CFAP54: variants seen among roughly 807,000 people sequenced by gnomAD.
The protein encoded by CFAP54 is cilia- and flagella-associated protein 54.
A neutral mutation model predicts 370.4 loss-of-function variants in CFAP54; 290 were observed. That is an observed-to-expected ratio of 0.78 (90% CI 0.71 to 0.86). CFAP54 has a LOEUF of 0.86. Ranked by LOEUF, CFAP54 falls within the 40% of genes least tolerant of loss-of-function variation. The pLI is 0.00. For missense variants in CFAP54, 3,399 were observed against 3,528.7 expected (o/e 0.96, Z 0.93); for synonymous variants, 1,206 against 1,236.5 (o/e 0.98, Z 0.52).
At chr12:96,807,073 T>C (rs1238858874) in intron 63 of CFAP54, among the ~76,000 whole-genome samples, 1 of 152,218 alleles carries the variant, frequency 6.6e-6, no homozygotes, top group Non-Finnish European at 1.5e-5. Context: ...TCTCCACTGC[T>C]GCATCATATA....
intron 65 of CFAP54, among the ~76,000 whole-genome samples, chr12:96,822,770 T>G (rs1959047581): frequency 6.6e-6 from 1 of 152,204 alleles, no homozygotes; most frequent in Non-Finnish European, 1.5e-5. Flanking sequence ...AAAAGTTTCT[T>G]GTAAATCCTC....
intron 40 of CFAP54, chr12:96,682,220 T>A (rs1957281134): frequency 1.7e-5 from 17 of 985,612 alleles, no homozygotes; most frequent in African/African-American, 1.7e-5. Context: ...GAGATGCATA[T>A]GTCAATACCC....
chr12:96,577,672 G>A (rs1332321241), intron 20 of CFAP54, among the ~76,000 whole-genome samples: 1 of 151,538 alleles, frequency 6.6e-6, no homozygotes, highest in African/African-American at 2.4e-5. Flanking sequence ...TGTGTTTATT[G>A]TGAAAATTAA....
rs112925765 is a variant in CFAP54, at chr12:96,740,020, G to C, written c.7030G>C (p.Val2344Leu). 1.1e-5 allele frequency: 18 copies of C among 1,607,646 alleles called. No individual in the cohort carries two copies. The highest frequency in any genetic ancestry group is 5.3e-5 in the African/African-American group (4 of 74,828). Residue 2344 changes from valine (V) to leucine (L), a missense_variant, in exon 51 of 68, where the codon GTA (valine) becomes CTA (leucine). Physicochemically the swap from Val to Leu is conservative, Grantham distance 32. Around this residue, in one of 3 missense-constraint regions of CFAP54, gnomAD observed 2,796 missense variants for 2,869.7 expected, o/e 0.97. Coordinates refer to ENST00000524981, the MANE Select transcript of CFAP54 (RefSeq NM_001306084.2). Reference sequence around the variant, plus strand: ...TTCAAAACTTTTTGAAAAGAAGGTAGTACAGGATGACACAGAGAATCCTGT... The same window carrying C: ...TTCAAAACTTTTTGAAAAGAAGGTACTACAGGATGACACAGAGAATCCTGT... ...QDSKLFEKKV[V>L]QDDTENPVSP...
chr12:96,723,563 C>T (rs1395075341), intron 50 of CFAP54, among the ~76,000 whole-genome samples: 1 of 151,996 alleles, frequency 6.6e-6, no homozygotes, highest in Non-Finnish European at 1.5e-5. Flanking sequence ...GTGACCTTCA[C>T]AGGAGTAACT....
At chr12:96,640,585 C>T (rs1475786477) in intron 32 of CFAP54, among the ~76,000 whole-genome samples, 1 of 152,104 alleles carries the variant, frequency 6.6e-6, no homozygotes, top group African/African-American at 2.4e-5. Flanking sequence ...CTTTAAAGTT[C>T]ATATAGAACC....
chr12:96,695,054 A>C (rs1957428544), intron 45 of CFAP54, among the ~76,000 whole-genome samples: 1 of 151,946 alleles, frequency 6.6e-6, no homozygotes, highest in Non-Finnish European at 1.5e-5. Flanking sequence ...ACAAAAAAAC[A>C]CCTCAAAAGT....
At chr12:96,722,435 C>G (rs1335446777) in intron 50 of CFAP54, among the ~76,000 whole-genome samples, 2 of 152,176 alleles carry the variant, frequency 1.3e-5, no homozygotes, top group African/African-American at 2.4e-5. Context: ...ATGCCTGATA[C>G]ATGTTTGAGG....
intron 26 of CFAP54, among the ~76,000 whole-genome samples, chr12:96,616,260 A>G (rs815875): frequency 0.79 from 120,580 of 151,930 alleles, 48,025 homozygotes; most frequent in East Asian, 0.86. Context: ...ACTATCCCAA[A>G]GACAAAAAAC....
chr12:96,765,262 G>A, intron 60 of CFAP54, 44 bp downstream of exon 60: 2 of 1,396,914 alleles, frequency 1.4e-6, no homozygotes, highest in Non-Finnish European at 1.9e-6. Flanking sequence ...ACTGATATAT[G>A]TAATATAGAA....
chr12:96,700,028 AT>A lies in CFAP54; in HGVS notation c.6413del (p.Phe2138SerfsTer20), dbSNP rs1191896549. ...FSEAFYEISQ[I>X]FYGKNMPCPI... is the part of the protein sequence containing the mutation. ...TGAAGCCTTTTATGAGATATCCCAA[AT>A]TTTCTATGGAAAAAACATGCCTTGT... On this transcript the variant is annotated frameshift_variant, in exon 46 of 68. Coordinates refer to ENST00000524981, the MANE Select transcript of CFAP54 (RefSeq NM_001306084.2). LOFTEE classifies it high-confidence loss of function. The A allele has an allele frequency of 2.5e-6, 4 of 1,608,296 alleles. No individual in the cohort carries two copies. The African/African-American group carries it at 4.0e-5, about 16-fold the overall frequency.
At chr12:96,515,604 T>C (rs1955221506) in intron 5 of CFAP54, among the ~76,000 whole-genome samples, 1 of 152,206 alleles carries the variant, frequency 6.6e-6, no homozygotes, top group Non-Finnish European at 1.5e-5. Context: ...CTTTGAATAC[T>C]GTAGTGACTT....
At chr12:96,657,021 A>G (rs1224083308) in intron 36 of CFAP54, among the ~76,000 whole-genome samples, 1 of 152,232 alleles carries the variant, frequency 6.6e-6, no homozygotes, top group Non-Finnish European at 1.5e-5. Flanking sequence ...AGTCTCTTCT[A>G]ACTTCAAGGA....
At chr12:96,531,532 G>A (rs1230061427) in intron 9 of CFAP54, among the ~76,000 whole-genome samples, 1 of 151,678 alleles carries the variant, frequency 6.6e-6, no homozygotes, top group East Asian at 1.9e-4. Flanking sequence ...TTAGACAGAT[G>A]TTAACAGGAT....
intron 19 of CFAP54, among the ~76,000 whole-genome samples, chr12:96,570,419 A>G (rs1955905022): frequency 1.3e-5 from 2 of 151,678 alleles, no homozygotes; most frequent in South Asian, 4.1e-4. Context: ...CAGAATATTT[A>G]GCATATCTAC....
rs1466206272 is a variant in CFAP54, at chr12:96,631,824, A to G, written c.4316+1173A>G. 3.3e-5 allele frequency among the ~76,000 whole-genome samples: 5 copies of G among 151,740 alleles called. No individual in the cohort carries two copies. The East Asian group carries it at 9.7e-4, about 29-fold the overall frequency. On this transcript the variant is annotated intron_variant, in intron 32 of 67. Transcript: ENST00000524981. ...TTCTAACTTTTCACTGTTTTAAACA[A>G]TGTTACAAAGGACATTCTTGTATAT...
At chr12:96,770,915 T>G (rs1288659421) in intron 60 of CFAP54, among the ~76,000 whole-genome samples, 6 of 152,242 alleles carry the variant, frequency 3.9e-5, no homozygotes, top group Non-Finnish European at 8.8e-5. Context: ...GCCAGGAACT[T>G]AAAATGCAGA....
intron 2 of CFAP54, among the ~76,000 whole-genome samples, chr12:96,503,437 TTTCC>T (rs932469802): frequency 1.5e-5 from 2 of 132,488 alleles, no homozygotes; most frequent in African/African-American, 2.7e-5. Context: ...CCCTTCCTTC[TTTCC>T]TTCCTTCCTT....
chr12:96,752,257 A>G (rs1226740331), intron 55 of CFAP54, among the ~76,000 whole-genome samples: 3 of 152,262 alleles, frequency 2.0e-5, no homozygotes, highest in South Asian at 4.1e-4. Context: ...AGAAAATTTC[A>G]GAACCTAAAG....
Sources: gnomAD v4.1 joint callset for allele counts (sites outside exome capture counted in the v4.1 genomes callset) on GRCh38, gnomAD v4.1.1 for gene constraint, gnomAD v4.1.1 regional missense constraint, MANE v1.5 for transcripts, NCBI Gene and HGNC (gene_info 2026-07-23, HGNC 2026-07-21) for gene names.